The following PMFBP1 variants were observed in gnomAD, a reference collection of about 807,000 sequenced individuals.
PMFBP1 encodes polyamine modulated factor 1 binding protein 1, also known as polyamine-modulated factor 1-binding protein 1.
Under a neutral mutation model 137.8 loss-of-function variants are expected in PMFBP1, and 131 were observed. The ratio of observed to expected loss-of-function variants is 0.95; its 90% CI spans 0.82 to 1.10. The LOEUF (loss-of-function observed/expected upper bound fraction) is 1.10, where lower values mean the gene tolerates loss of function less well. Ranked by LOEUF, PMFBP1 falls within the 50% of genes least tolerant of loss-of-function variation. The pLI is 0.00. For missense variants in PMFBP1, 1,199 were observed against 1,175.4 expected, an observed-to-expected ratio of 1.02 and a Z score of -0.29; for synonymous variants, 490 against 450.4, an observed-to-expected ratio of 1.09 and a Z score of -1.11.
chr16:72,242,761 C>T, the PMFBP1 span, among the ~76,000 whole-genome samples: 2 of 152,132 alleles, frequency 1.3e-5, no homozygotes, highest in African/African-American at 2.4e-5. Flanking sequence ...TGTGTAAGGG[C>T]TATTATTGAG....
chr16:72,214,506 G>A, the PMFBP1 span, among the ~76,000 whole-genome samples: 3 of 152,168 alleles, frequency 2.0e-5, no homozygotes, highest in Non-Finnish European at 4.4e-5. Flanking sequence ...AAGGAACGAT[G>A]AGAAATTAGT....
chr16:72,161,186 C>G (rs2043057115), intron 3 of PMFBP1, among the ~76,000 whole-genome samples: 2 of 149,606 alleles, frequency 1.3e-5, no homozygotes, highest in East Asian at 3.9e-4. Context: ...CAACCTCTGT[C>G]CCCTGGATTC....
intron 17 of PMFBP1, 42 bp from the exon 18 acceptor site, chr16:72,123,691 A>C (rs1438986146): frequency 6.4e-7 from 1 of 1,565,394 alleles, no homozygotes; most frequent in Non-Finnish European, 8.8e-7. Flanking sequence ...AGGTGGGAGC[A>C]CAGGCCTGTC....
upstream of PMFBP1, among the ~76,000 whole-genome samples, chr16:72,178,894 G>T (rs564520735): frequency 8.5e-5 from 13 of 152,238 alleles, no homozygotes; most frequent in African/African-American, 3.1e-4. Context: ...GTGGTTATGG[G>T]GATTAAATAA....
chr16:72,220,498 T>G, the PMFBP1 span, among the ~76,000 whole-genome samples: 1 of 152,222 alleles, frequency 6.6e-6, no homozygotes, highest in African/African-American at 2.4e-5. Context: ...ATAATTTGAA[T>G]AGAGGTTGTC....
At chr16:72,132,382 T>A (rs574368982) in intron 10 of PMFBP1, among the ~76,000 whole-genome samples, 1 of 152,038 alleles carries the variant, frequency 6.6e-6, no homozygotes, top group East Asian at 1.9e-4. Context: ...CGAAAGGGAA[T>A]AAAAAGCCAG....
intron 5 of PMFBP1, among the ~76,000 whole-genome samples, chr16:72,147,689 C>A (rs1369346557): frequency 6.6e-6 from 1 of 151,882 alleles, no homozygotes; most frequent in Non-Finnish European, 1.5e-5. Flanking sequence ...AAAAAAACAA[C>A]CCCATCAAAA....
the PMFBP1 span, among the ~76,000 whole-genome samples, chr16:72,231,822 A>C: frequency 1.4e-5 from 2 of 146,070 alleles, no homozygotes; most frequent in Non-Finnish European, 3.0e-5. Flanking sequence ...AAACTGGTCC[A>C]TTGACCTCAC....
the PMFBP1 span, among the ~76,000 whole-genome samples, chr16:72,199,103 C>T: frequency 6.6e-6 from 1 of 152,174 alleles, no homozygotes; most frequent in East Asian, 1.9e-4. Context: ...AGGACGCATG[C>T]TTCCCGGGCT....
chr16:72,217,156 T>A, the PMFBP1 span, among the ~76,000 whole-genome samples: 1 of 152,132 alleles, frequency 6.6e-6, no homozygotes, highest in Non-Finnish European at 1.5e-5. Flanking sequence ...TTCTGGCCAA[T>A]GAAGCATAAG....
chr16:72,129,223 T>C lies in PMFBP1; in HGVS notation c.1793A>G (p.Gln598Arg). 2 of 1,611,210 alleles carry C rather than the reference T, an allele frequency of 1.2e-6. No homozygotes were observed. Among genetic ancestry groups the C allele is most frequent in the South Asian group, 1.1e-5 (1 of 90,902 alleles). ...TTCTAACTTGCATTTGATGGAGCCT[T>C]GCTCCCTGTGCTGAAAAAATAAAGA... ...LDRIKHQHRE[Q>R]GSIKCKLEED... The change falls in exon 13 of 21, where the codon CAA becomes CGA. Residue 598 changes from glutamine to arginine, a missense_variant. Transcript: ENST00000237353.
At chr16:72,228,894 G>A in the PMFBP1 span, among the ~76,000 whole-genome samples, 1 of 150,004 alleles carries the variant, frequency 6.7e-6, no homozygotes, top group Non-Finnish European at 1.5e-5. Flanking sequence ...TACATGTGCA[G>A]GATTGTTACA....
chr16:72,204,188 G>A, the PMFBP1 span, among the ~76,000 whole-genome samples: 18,729 of 144,536 alleles, frequency 0.13, 1,963 homozygotes, highest in African/African-American at 0.31. Flanking sequence ...TTACTCATGC[G>A]CATTTTTTTT....
At chr16:72,212,099 G>T in the PMFBP1 span, among the ~76,000 whole-genome samples, 2 of 150,544 alleles carry the variant, frequency 1.3e-5, no homozygotes, top group African/African-American at 4.9e-5. Flanking sequence ...ATAGAAAATA[G>T]GAAGCAAACA....
the PMFBP1 span, among the ~76,000 whole-genome samples, chr16:72,199,671 A>AG: frequency 6.6e-6 from 1 of 151,774 alleles, no homozygotes; most frequent in Admixed American, 6.6e-5. Context: ...AAAAAAAAAA[A>AG]AAGTGTAGGG....
chr16:72,162,162 G>A (rs1234631709), intron 3 of PMFBP1, among the ~76,000 whole-genome samples: 6 of 152,080 alleles, frequency 3.9e-5, no homozygotes, highest in Non-Finnish European at 1.5e-5. Context: ...TGATTCCTGG[G>A]CAGGGCCAGG....
chr16:72,210,185 T>C, the PMFBP1 span, among the ~76,000 whole-genome samples: 12 of 152,278 alleles, frequency 7.9e-5, no homozygotes, highest in Admixed American at 3.3e-4. Context: ...AGGTAGGGGG[T>C]TGCTTCACTT....
Position 72,139,373 on chromosome 16 carries a change from T to C in PMFBP1, c.834A>G (p.Ile278Met). ...AGGAAGCAAAATCGGCTTGTAGTTT[T>C]ATCAAAGCCTTTTCACGCTCCAGAA... ...ALVLEREKAL[I>M]KLQADFASCT... The change falls in exon 7 of 21, where the codon ATA (isoleucine) becomes ATG (methionine). Residue 278 changes from isoleucine to methionine, a missense_variant. Transcript: ENST00000237353. The C allele has an allele frequency of 1.2e-6, 2 of 1,614,108 alleles. No individual in the cohort carries two copies.
rs1597463553 is a variant in PMFBP1, at chr16:72,130,640, A to C, written c.1530T>G (p.Gly510=). The C allele has an allele frequency of 6.2e-7, 1 of 1,613,288 alleles. No individual in the cohort carries two copies. The highest frequency in any genetic ancestry group is 8.5e-7 in the Non-Finnish European group (1 of 1,179,814). Residue 510 remains glycine, a synonymous_variant, in exon 11 of 21, where the codon GGT becomes GGG. Transcript: ENST00000237353. ...CTGCCTTCTGCTTGTCCAGGAGGAG[A>C]CCCTTCTGCAGTTTCCTCTGGGTGT... is the stretch of plus-strand genomic sequence containing the variant. ...LEDTQRKLQK[G]LLLDKQKADT...
Sources: gnomAD v4.1 joint callset for allele counts (sites outside exome capture counted in the v4.1 genomes callset) on GRCh38, gnomAD v4.1.1 for gene constraint, MANE v1.5 for transcripts, NCBI Gene and HGNC (gene_info 2026-07-23, HGNC 2026-07-21) for gene names.